TRAPPC9: variants seen among roughly 807,000 people sequenced by gnomAD.
TRAPPC9 encodes trafficking protein particle complex subunit 9.
A neutral mutation model predicts 124.0 loss-of-function variants in TRAPPC9; 83 were observed. The observed-to-expected ratio is 0.67, with a 90% CI of 0.56 to 0.80. The LOEUF (loss-of-function observed/expected upper bound fraction) is 0.80, where lower values mean the gene tolerates loss of function less well. Among genes scored for constraint, TRAPPC9 ranks in the 30% least tolerant of loss-of-function variants. The probability of loss-of-function intolerance (pLI) is 0.00; values close to 1 mark genes in which losing one functional copy is unlikely to be tolerated. For synonymous variants in TRAPPC9, 638 were observed against 617.5 expected, an observed-to-expected ratio of 1.03 and a Z score of -0.49; for missense variants, 1,302 against 1,508.3, an observed-to-expected ratio of 0.86 and a Z score of 2.27.
chr8:139,746,854 C>T (rs1818930049), intron 21 of TRAPPC9, among the ~76,000 whole-genome samples: 1 of 152,208 alleles, frequency 6.6e-6, no homozygotes. Context: ...GCCTCTAGTC[C>T]CTTCTCTCTC....
chr8:140,397,389 A>C (rs2069126749), intron 7 of TRAPPC9, among the ~76,000 whole-genome samples: 1 of 151,480 alleles, frequency 6.6e-6, no homozygotes, highest in South Asian at 2.1e-4. Flanking sequence ...TCTCCAAAAA[A>C]CAAACAAAAA....
At chr8:140,393,645 T>C (rs2068998046) in intron 7 of TRAPPC9, among the ~76,000 whole-genome samples, 1 of 152,218 alleles carries the variant, frequency 6.6e-6, no homozygotes, top group Admixed American at 6.5e-5. Context: ...GCACAGGGAT[T>C]CTTAAAGCAG....
chr8:140,253,496 G>A (rs1339377935), intron 15 of TRAPPC9, among the ~76,000 whole-genome samples: 2 of 152,048 alleles, frequency 1.3e-5, no homozygotes, highest in Admixed American at 6.6e-5. Context: ...TGGACAACAT[G>A]GTGAAACCCC....
At chr8:140,299,197 C>A (rs1185219357) in intron 11 of TRAPPC9, among the ~76,000 whole-genome samples, 1 of 152,206 alleles carries the variant, frequency 6.6e-6, no homozygotes, top group South Asian at 2.1e-4. Context: ...GGGCTTGGAA[C>A]AAGCCTGTTT....
intron 11 of TRAPPC9, 76 bp from the exon 12 acceptor site, chr8:140,291,154 T>C: frequency 1.5e-6 from 2 of 1,338,714 alleles, no homozygotes; most frequent in Non-Finnish European, 1.1e-6. Context: ...TTCCAATTAT[T>C]CCTCTGGCAA....
intron 12 of TRAPPC9, among the ~76,000 whole-genome samples, chr8:140,290,070 A>T (rs1267022282): frequency 1.3e-5 from 2 of 151,758 alleles, no homozygotes; most frequent in Non-Finnish European, 2.9e-5. Flanking sequence ...GGCCAGGCAG[A>T]CTCCCGTCCA....
intron 17 of TRAPPC9, among the ~76,000 whole-genome samples, chr8:140,155,340 CGGGT>C (rs1477790273): frequency 6.6e-6 from 1 of 152,130 alleles, no homozygotes; most frequent in East Asian, 1.9e-4. Flanking sequence ...GTGGAAGCTG[CGGGT>C]GGTAGCTACG....
At chr8:140,107,555 G>A (rs554813926) in intron 17 of TRAPPC9, among the ~76,000 whole-genome samples, 9 of 152,234 alleles carry the variant, frequency 5.9e-5, no homozygotes, top group South Asian at 2.1e-4. Context: ...AAATGGTACC[G>A]TGGGAGTGGC....
intron 4 of TRAPPC9, among the ~76,000 whole-genome samples, chr8:140,427,763 T>C (rs1394228165): frequency 1.3e-5 from 2 of 152,234 alleles, no homozygotes; most frequent in African/African-American, 2.4e-5. Context: ...AGAGGCCCCA[T>C]GATTATGGTG....
intron 21 of TRAPPC9, among the ~76,000 whole-genome samples, chr8:139,801,299 T>C (rs1168584282): frequency 6.6e-6 from 1 of 152,224 alleles, no homozygotes; most frequent in African/African-American, 2.4e-5. Context: ...ACATAGTTCA[T>C]GCCTCCTGCT....
At chr8:140,433,272 A>G (rs1271081164) in intron 4 of TRAPPC9, among the ~76,000 whole-genome samples, 1 of 151,738 alleles carries the variant, frequency 6.6e-6, no homozygotes, top group Non-Finnish European at 1.5e-5. Context: ...AGCCTGGGCA[A>G]CAGAGCAAGA....
chr8:140,223,807 T>A (rs796505775), intron 16 of TRAPPC9, among the ~76,000 whole-genome samples: 5 of 151,920 alleles, frequency 3.3e-5, no homozygotes, highest in African/African-American at 1.2e-4. Flanking sequence ...CCTTAAGTAG[T>A]TCAATTTTCA....
At chr8:140,416,199 GA>G (rs1176832655) in intron 5 of TRAPPC9, among the ~76,000 whole-genome samples, 1 of 152,104 alleles carries the variant, frequency 6.6e-6, no homozygotes, top group Non-Finnish European at 1.5e-5. Flanking sequence ...AGAGCTTAAA[GA>G]ATAGACATTA....
At chr8:139,872,593 T>C (rs1440613891) in intron 21 of TRAPPC9, among the ~76,000 whole-genome samples, 2 of 145,806 alleles carry the variant, frequency 1.4e-5, no homozygotes, top group African/African-American at 5.0e-5. Flanking sequence ...GACGGTTGCA[T>C]AAGTGGATGG....
Position 140,257,670 on chromosome 8 carries a change from C to T in TRAPPC9, c.2279-4741G>A, listed in dbSNP as rs114564980. 8.9e-4 allele frequency among the ~76,000 whole-genome samples: 135 copies of T among 152,344 alleles called. No individual in the cohort carries two copies. Among genetic ancestry groups the T allele is most frequent in the African/African-American group, 3.1e-3 (130 of 41,580 alleles). ...ACTCTGCCCCATCGTGTGCCTACTACTGGAAATGTCTTCCCCTACCTTCTC... is the reference window on the plus strand; with the variant it reads ...ACTCTGCCCCATCGTGTGCCTACTATTGGAAATGTCTTCCCCTACCTTCTC... On this transcript the variant is annotated intron_variant, in intron 15 of 22. Coordinates refer to ENST00000438773, the MANE Select transcript of TRAPPC9 (RefSeq NM_001160372.4). The surrounding 1 kb of genome is among the most constrained non-coding windows in gnomAD (Gnocchi z 4.6).
intron 2 of TRAPPC9, among the ~76,000 whole-genome samples, chr8:140,449,088 C>A (rs964629109): frequency 6.6e-6 from 1 of 152,234 alleles, no homozygotes. Flanking sequence ...GCGACTGAGG[C>A]TATTCCATGC....
At chr8:140,043,896 C>A (rs944833097) in intron 17 of TRAPPC9, among the ~76,000 whole-genome samples, 1 of 152,156 alleles carries the variant, frequency 6.6e-6, no homozygotes, top group African/African-American at 2.4e-5. Context: ...CCAGCCTGCC[C>A]CATGGGTGTG....
At chr8:140,453,850 T>C (rs1415664133) in intron 1 of TRAPPC9, among the ~76,000 whole-genome samples, 2 of 152,096 alleles carry the variant, frequency 1.3e-5, no homozygotes, top group African/African-American at 4.8e-5. Flanking sequence ...GGAGGACATA[T>C]CAAAATACTG....
intron 21 of TRAPPC9, among the ~76,000 whole-genome samples, chr8:139,830,627 T>G (rs1005231711): frequency 1.9e-4 from 28 of 150,608 alleles, no homozygotes; most frequent in Non-Finnish European, 3.5e-4. Context: ...TACACACACA[T>G]GCATACACAG....
Sources: gnomAD v4.1 joint callset for allele counts (sites outside exome capture counted in the v4.1 genomes callset) on GRCh38, gnomAD v4.1.1 for gene constraint, Gnocchi (gnomAD v3.1) non-coding constraint, MANE v1.5 for transcripts, NCBI Gene and HGNC (gene_info 2026-07-23, HGNC 2026-07-21) for gene names.